Variants in TMEM248 observed in about 807,000 individuals in gnomAD.
TMEM248 encodes transmembrane protein 248.
TMEM248 carries 9 observed loss-of-function variants against 30.3 expected under a neutral mutation model. That is an observed-to-expected ratio of 0.30 (90% CI 0.18 to 0.52). TMEM248 has a LOEUF of 0.52. TMEM248 is among the 20% of genes least tolerant of loss of function. TMEM248 has a pLI of 0.97. For synonymous variants in TMEM248, 184 were observed against 154.4 expected (o/e 1.19, Z -1.42); for missense variants, 338 against 403.3 (o/e 0.84, Z 1.39).
At chr7:66,921,858 G>A (rs1791393881) in intron 1 of TMEM248, 2 of 152,288 alleles carry the variant, frequency 1.3e-5, no homozygotes, top group African/African-American at 4.8e-5. Context: ...AGGTGGGAGG[G>A]AGAGACTCAC....
At chr7:66,938,506 CTTTTCTTTTTG>C (rs1303168493) in intron 1 of TMEM248, among the ~76,000 whole-genome samples, 3 of 151,956 alleles carry the variant, frequency 2.0e-5, no homozygotes, top group Non-Finnish European at 1.5e-5. Context: ...CTTTCTTTTT[CTTTTCTTTTTG>C]TTTTCTTTTG....
chr7:66,923,417 T>A (rs1350083073), intron 1 of TMEM248, among the ~76,000 whole-genome samples: 1 of 152,068 alleles, frequency 6.6e-6, no homozygotes, highest in Non-Finnish European at 1.5e-5. Context: ...GCTGGAAGTA[T>A]AGGTGTGAGC....
chr7:66,932,675 C>T (rs1371379139), intron 1 of TMEM248, among the ~76,000 whole-genome samples: 3 of 148,360 alleles, frequency 2.0e-5, no homozygotes, highest in South Asian at 2.1e-4. Context: ...CTGCCACTCC[C>T]GGCTAATTTG....
chr7:66,958,393 TC>T lies in TMEM248; in HGVS notation c.*2873del, dbSNP rs1296212605. 3 of 152,702 alleles carry T rather than the reference TC, an allele frequency of 2.0e-5. No homozygotes were observed. The highest frequency in any genetic ancestry group is 4.8e-5 in the African/African-American group (2 of 41,446). 9.5% of individuals were successfully genotyped at this position (152,702 alleles called of 1,614,324 possible). On this transcript the variant is annotated 3_prime_UTR_variant, in exon 7 of 7. Transcript: ENST00000341567. Reference sequence around the variant, plus strand: ...CTTCAGCTTCCTGGGTTTTCACCCTTCCTGCAGGCACTGTGGGGTCCTGAGG... The same window carrying T: ...CTTCAGCTTCCTGGGTTTTCACCCTTCTGCAGGCACTGTGGGGTCCTGAGG...
At chr7:66,923,770 C>G (rs1584392351) in intron 1 of TMEM248, among the ~76,000 whole-genome samples, 1 of 152,220 alleles carries the variant, frequency 6.6e-6, no homozygotes, top group African/African-American at 2.4e-5. Context: ...CTTCTGGGTT[C>G]AAGCGATTCC....
At chr7:66,948,988 A>C (rs1792188294) in intron 4 of TMEM248, among the ~76,000 whole-genome samples, 2 of 152,140 alleles carry the variant, frequency 1.3e-5, no homozygotes, top group South Asian at 4.1e-4. Flanking sequence ...CAGGAGTAGA[A>C]GCAGCAAGTT....
intron 4 of TMEM248, among the ~76,000 whole-genome samples, chr7:66,950,576 CTT>C (rs1312070272): frequency 6.6e-6 from 1 of 152,070 alleles, no homozygotes; most frequent in African/African-American, 2.4e-5. Flanking sequence ...CCGGGTATGT[CTT>C]TATCAGCAGC....
chr7:66,952,547 A>G (rs1258876825), intron 5 of TMEM248, among the ~76,000 whole-genome samples: 1 of 152,150 alleles, frequency 6.6e-6, no homozygotes, highest in Non-Finnish European at 1.5e-5. Context: ...CTGCCCCGCT[A>G]TGTTATAAAT....
Position 66,950,997 on chromosome 7 carries a change from C to T in TMEM248, c.642C>T (p.Leu214=). The part of the protein sequence containing the change: ...CVPDTYSNAT[L]WYKIFTTARD... ...CTGACACGTACAGCAACGCCACGCT[C>T]TGGTACAAGATCTTCACAACTGCCA... Residue 214 remains leucine, a synonymous_variant, in exon 5 of 7, where the codon CTC becomes CTT. Coordinates refer to ENST00000341567, the MANE Select transcript of TMEM248 (RefSeq NM_017994.5). 1 of 1,611,050 alleles carries T rather than the reference C, an allele frequency of 6.2e-7. No homozygotes were observed. Among genetic ancestry groups the T allele is most frequent in the Non-Finnish European group, 8.5e-7 (1 of 1,179,066 alleles).
At chr7:66,947,038 A>G (rs1792124402) in intron 3 of TMEM248, among the ~76,000 whole-genome samples, 2 of 152,130 alleles carry the variant, frequency 1.3e-5, no homozygotes, top group South Asian at 4.2e-4. Flanking sequence ...CATAGCAAAC[A>G]CCTGTCTTTA....
intron 5 of TMEM248, among the ~76,000 whole-genome samples, chr7:66,951,903 C>A (rs1288932361): frequency 6.6e-6 from 1 of 152,024 alleles, no homozygotes; most frequent in Non-Finnish European, 1.5e-5. Flanking sequence ...CTCAAGCGAT[C>A]CTCCTGCCTT....
chr7:66,934,181 T>TTTA (rs755359231), intron 1 of TMEM248, among the ~76,000 whole-genome samples: 1 of 151,088 alleles, frequency 6.6e-6, no homozygotes, highest in African/African-American at 2.4e-5. Context: ...CAAGCTTTCT[T>TTTA]TTATTATTAT....
intron 1 of TMEM248, among the ~76,000 whole-genome samples, chr7:66,931,500 T>TC (rs1398715666): frequency 6.6e-6 from 1 of 151,898 alleles, no homozygotes; most frequent in African/African-American, 2.4e-5. Flanking sequence ...ATTTTTTTTT[T>TC]CCACCATGTT....
chr7:66,950,147 A>G (rs868033119), intron 4 of TMEM248, among the ~76,000 whole-genome samples: 3 of 151,858 alleles, frequency 2.0e-5, no homozygotes, highest in Admixed American at 2.0e-4. Flanking sequence ...AATCAGTTCA[A>G]CATGGGAGGT....
intron 1 of TMEM248, among the ~76,000 whole-genome samples, chr7:66,938,586 G>T (rs1791864057): frequency 6.6e-6 from 1 of 152,120 alleles, no homozygotes; most frequent in South Asian, 2.1e-4. Flanking sequence ...TCGACTTGCT[G>T]CACCTCCGCC....
At chr7:66,955,050 CCCA>C (rs1792368257) in intron 6 of TMEM248, among the ~76,000 whole-genome samples, 1 of 152,112 alleles carries the variant, frequency 6.6e-6, no homozygotes, top group Admixed American at 6.5e-5. Flanking sequence ...ATCACTTGAG[CCCA>C]CGAGTTCAAG....
At chr7:66,949,240 A>C (rs1482639512) in intron 4 of TMEM248, among the ~76,000 whole-genome samples, 2 of 152,166 alleles carry the variant, frequency 1.3e-5, no homozygotes, top group African/African-American at 2.4e-5. Flanking sequence ...TAATCCCAGC[A>C]CTTTGGGAGG....
Position 66,955,754 on chromosome 7 carries a change from C to G in TMEM248, c.*232C>G, listed in dbSNP as rs1792385387. 1.7e-5 allele frequency: 9 copies of G among 516,894 alleles called. No individual in the cohort carries two copies. The allele number at this position is 516,894 out of a possible 1,614,324, so 32.0% of individuals were successfully genotyped here. ...CTGGGTACAGCCAGAGCCCTTCAAC[C>G]CCACCTTGGACTTGAGGACCTACCT... On this transcript the variant is annotated 3_prime_UTR_variant, in exon 7 of 7. Transcript: ENST00000341567.
chr7:66,936,898 T>C (rs1450952427), intron 1 of TMEM248, among the ~76,000 whole-genome samples: 1 of 152,176 alleles, frequency 6.6e-6, no homozygotes, highest in Non-Finnish European at 1.5e-5. Context: ...CATTGATCTT[T>C]TATATTTTTT....
Sources: allele counts gnomAD v4.1 joint callset (sites outside exome capture counted in the v4.1 genomes callset), GRCh38; gene constraint gnomAD v4.1.1; transcripts MANE v1.5; gene names NCBI Gene and HGNC (gene_info 2026-07-23, HGNC 2026-07-21).